The following PGS1 variants were observed in gnomAD, a reference collection of about 807,000 sequenced individuals.
PGS1 encodes phosphatidylglycerophosphate synthase 1.
A neutral mutation model predicts 58.3 loss-of-function variants in PGS1; 44 were observed. The ratio of observed to expected loss-of-function variants is 0.75; its 90% CI spans 0.59 to 0.97. The LOEUF is 0.97. PGS1 is among the 50% of genes least tolerant of loss of function. The pLI is 0.00. For missense variants in PGS1, 684 were observed against 731.1 expected (o/e 0.94, Z 0.74); for synonymous variants, 330 against 311.0 (o/e 1.06, Z -0.64).
At chr17:78,408,065 C>T (rs977464572) in intron 7 of PGS1, among the ~76,000 whole-genome samples, 3 of 152,080 alleles carry the variant, frequency 2.0e-5, no homozygotes, top group Non-Finnish European at 4.4e-5. Flanking sequence ...TGATACACCT[C>T]TTTTGCATAC....
chr17:78,395,596 A>G (rs1282749139), intron 2 of PGS1, among the ~76,000 whole-genome samples: 1 of 152,004 alleles, frequency 6.6e-6, no homozygotes, highest in Non-Finnish European at 1.5e-5. Flanking sequence ...TGCTAGGGAG[A>G]GGCCCCCTGG....
chr17:78,409,770 G>A (rs964599628), intron 7 of PGS1, among the ~76,000 whole-genome samples: 1 of 152,228 alleles, frequency 6.6e-6, no homozygotes, highest in Non-Finnish European at 1.5e-5. Context: ...TGAGGGAGGA[G>A]TATGTGTTCA....
intron 7 of PGS1, among the ~76,000 whole-genome samples, chr17:78,412,299 T>G (rs977255968): frequency 1.3e-5 from 2 of 152,130 alleles, no homozygotes; most frequent in African/African-American, 4.8e-5. Flanking sequence ...TGCAAATAAT[T>G]CTGGCGGGGA....
intron 1 of PGS1, among the ~76,000 whole-genome samples, chr17:78,389,244 C>T (rs1469592111): frequency 1.3e-5 from 2 of 151,224 alleles, no homozygotes; most frequent in Non-Finnish European, 2.9e-5. Flanking sequence ...TGGAGTGCAG[C>T]GGCAGCATCT....
At position 78,424,052 on chromosome 17, in the gene PGS1, G is replaced by A. The variant is rs142983650; in HGVS notation, c.*11-9G>A. ...TCATAGATGTTCTTGGTCTCCATGC[G>A]GTCCACAGGAATGGCCTTGATGAAG... On this transcript the variant is annotated splice_polypyrimidine_tract_variant and intron_variant, in intron 9 of 9. Transcript: ENST00000262764. The A allele has an allele frequency of 4.5e-4, 729 of 1,614,046 alleles. No homozygotes were observed. Among genetic ancestry groups the A allele is most frequent in the Middle Eastern group, 6.6e-4 (4 of 6,062 alleles).
Position 78,400,635 on chromosome 17 carries a change from C to G in PGS1, c.702-42C>G, listed in dbSNP as rs774210647. On this transcript the variant is annotated intron_variant, in intron 5 of 9. Coordinates refer to ENST00000262764, the MANE Select transcript of PGS1 (RefSeq NM_024419.5). The surrounding 1 kb of genome is among the most constrained non-coding windows in gnomAD (Gnocchi z 4.4). ...GTCACCAGGACACGCTGCTGCATAC[C>G]CTTGCCTGAGTCCTCCTCACCTGCA... 1.1e-5 allele frequency: 17 copies of G among 1,587,708 alleles called. No individual in the cohort carries two copies. Among genetic ancestry groups the G allele is most frequent in the Non-Finnish European group, 1.5e-5 (17 of 1,157,814 alleles).
Position 78,399,350 on chromosome 17 carries a change from C to G in PGS1, c.514C>G (p.Arg172Gly), listed in dbSNP as rs760996511. 1 of 1,613,418 alleles carries G rather than the reference C, an allele frequency of 6.2e-7. No homozygotes were observed. Among genetic ancestry groups the G allele is most frequent in the South Asian group, 1.1e-5 (1 of 91,068 alleles). Reference protein sequence around the residue: ...LLDFTRGSRGRKNSRTMLLPL... With the variant: ...LLDFTRGSRGGKNSRTMLLPL... The stretch of plus-strand genomic sequence containing the variant: ...CCGTTTTCTCTGTCCGTGTTCAGGC[C>G]GGAAGAACTCCCGCACAATGCTGCT... Residue 172 changes from arginine (R) to glycine (G), a missense_variant and splice_region_variant, in exon 5 of 10, where the codon CGG becomes GGG. Physicochemically the swap from Arg to Gly is moderately radical, Grantham distance 125 (BLOSUM62 -2). Transcript: ENST00000262764.
rs8071884 is a variant in PGS1 at position 78,401,977 on chromosome 17, C to T, written c.880+1122C>T. Reference sequence around the variant, plus strand: ...GGCCAGGATGAGAGCCAGCACGCTCCGAGCAGGAGCGGGGAGACTCGAGCC... The same window carrying T: ...GGCCAGGATGAGAGCCAGCACGCTCTGAGCAGGAGCGGGGAGACTCGAGCC... On this transcript the variant is annotated intron_variant, in intron 6 of 9. Coordinates refer to ENST00000262764, the MANE Select transcript of PGS1 (RefSeq NM_024419.5). Among the ~76,000 whole-genome samples, 3 of 152,096 alleles carry T rather than the reference C, an allele frequency of 2.0e-5. No individual in the cohort carries two copies. The South Asian group carries it at 6.2e-4, about 32-fold the overall frequency.
intron 1 of PGS1, among the ~76,000 whole-genome samples, chr17:78,379,875 CT>C (rs141604982): frequency 1.4e-5 from 2 of 146,730 alleles, no homozygotes; most frequent in African/African-American, 2.5e-5. Flanking sequence ...CTTTTCTTTT[CT>C]TTTTTTTTTG....
intron 9 of PGS1, among the ~76,000 whole-genome samples, chr17:78,423,134 T>A (rs1476180171): frequency 6.6e-6 from 1 of 151,744 alleles, no homozygotes; most frequent in Non-Finnish European, 1.5e-5. Context: ...GATCCTGTCT[T>A]GGTCCCCCTG....
intron 6 of PGS1, among the ~76,000 whole-genome samples, chr17:78,403,292 G>A (rs1432141209): frequency 6.6e-6 from 1 of 151,786 alleles, no homozygotes; most frequent in Non-Finnish European, 1.5e-5. Flanking sequence ...TGTCTTGCCT[G>A]GTTTTGAGCT....
At chr17:78,397,806 TG>T (rs2083354615) in intron 3 of PGS1, among the ~76,000 whole-genome samples, 1 of 152,202 alleles carries the variant, frequency 6.6e-6, no homozygotes, top group African/African-American at 2.4e-5. Flanking sequence ...GGGAGAAGAA[TG>T]GAATGTCCGC....
At chr17:78,403,216 C>T (rs2083832476) in intron 6 of PGS1, among the ~76,000 whole-genome samples, 1 of 152,052 alleles carries the variant, frequency 6.6e-6, no homozygotes, top group South Asian at 2.1e-4. Context: ...TGGAGGCCCC[C>T]CGTATGTCCC....
intron 1 of PGS1, chr17:78,380,756 A>G (rs569717503): frequency 1.3e-5 from 2 of 152,358 alleles, no homozygotes; most frequent in South Asian, 4.1e-4. Context: ...TCATTGTTCA[A>G]CATTGGAATT....
chr17:78,385,410 T>C (rs2082312749), intron 1 of PGS1, among the ~76,000 whole-genome samples: 1 of 152,134 alleles, frequency 6.6e-6, no homozygotes, highest in East Asian at 1.9e-4. Context: ...TGCCTCAGCC[T>C]CCCGAGTAGC....
At chr17:78,386,954 G>GTGATGATGATGATGA (rs759074948) in intron 1 of PGS1, among the ~76,000 whole-genome samples, 4 of 151,084 alleles carry the variant, frequency 2.6e-5, no homozygotes, top group Non-Finnish European at 4.4e-5. Flanking sequence ...GGTGATGATG[G>GTGATGATGATGATGA]TGATGATGAT....
rs2081802731 is a variant in PGS1, at chr17:78,378,659, A to G, written c.-7A>G. 1 of 1,529,524 alleles carries G rather than the reference A, an allele frequency of 6.5e-7. No individual in the cohort carries two copies. Among genetic ancestry groups the G allele is most frequent in the Non-Finnish European group, 8.7e-7 (1 of 1,146,472 alleles). 94.7% of individuals were successfully genotyped at this position (1,529,524 alleles called of 1,614,324 possible). A position where few individuals can be genotyped will look rare whatever the true frequency, so the allele number is the denominator to read the frequency against. ...GCCGGGAGCGGAAGCGGAAGCGGCG[A>G]GTCTCCATGGCGGTGGCGGCGGCAG... On this transcript the variant is annotated 5_prime_UTR_variant, in exon 1 of 10. Coordinates refer to ENST00000262764, the MANE Select transcript of PGS1 (RefSeq NM_024419.5).
At chr17:78,395,330 G>C (rs531800845) in intron 2 of PGS1, among the ~76,000 whole-genome samples, 2 of 152,260 alleles carry the variant, frequency 1.3e-5, no homozygotes, top group African/African-American at 4.8e-5. Flanking sequence ...AAAGGAAATA[G>C]CAACCTTGGG....
chr17:78,384,245 T>A (rs542615366), intron 1 of PGS1, among the ~76,000 whole-genome samples: 1 of 152,238 alleles, frequency 6.6e-6, no homozygotes, highest in Non-Finnish European at 1.5e-5. Context: ...CAGCAGGCCG[T>A]TGGTCTTTTG....
Sources: gnomAD v4.1 joint callset for allele counts (sites outside exome capture counted in the v4.1 genomes callset) on GRCh38, gnomAD v4.1.1 for gene constraint, Gnocchi (gnomAD v3.1) non-coding constraint, MANE v1.5 for transcripts, NCBI Gene and HGNC (gene_info 2026-07-23, HGNC 2026-07-21) for gene names.